CNNM1: variants seen among roughly 807,000 people sequenced by gnomAD.
CNNM1 encodes metal transporter CNNM1.
A neutral mutation model predicts 78.8 loss-of-function variants in CNNM1; 44 were observed. That is an observed-to-expected ratio of 0.56 (90% confidence interval 0.44 to 0.72). The LOEUF (loss-of-function observed/expected upper bound fraction) is 0.72. CNNM1 is among the 30% of genes least tolerant of loss of function. CNNM1 has a pLI of 0.00. For missense variants in CNNM1, 1,101 were observed against 1,292.2 expected, an observed-to-expected ratio of 0.85 and a Z score of 2.27; for synonymous variants, 584 against 581.5, an observed-to-expected ratio of 1.00 and a Z score of -0.06.
chr10:99,329,531 G>C lies in CNNM1; in HGVS notation c.144G>C (p.Glu48Asp). The C allele has an allele frequency of 6.6e-7, 1 of 1,514,342 alleles. No individual in the cohort carries two copies. The highest frequency in any genetic ancestry group is 8.8e-7 in the Non-Finnish European group (1 of 1,139,792). 93.8% of individuals were successfully genotyped at this position (1,514,342 alleles called of 1,614,324 possible). A position where few individuals can be genotyped will look rare whatever the true frequency, so the allele number is the denominator to read the frequency against. The change falls in exon 1 of 11, where the codon GAG becomes GAC. Residue 48 changes from glutamate (E) to aspartate (D), a missense_variant. By Grantham distance (45) the Glu-to-Asp change is conservative (BLOSUM62 2). Transcript: ENST00000356713. The part of the protein sequence containing the change: ...AAAWLLGLRP[E>D]DTAGGRVSLE... ...CCTGGCTGCTGGGCCTGCGGCCCGA[G>C]GACACTGCTGGAGGCCGCGTGTCCC...
At chr10:99,383,025 G>C (rs1056974019) in intron 7 of CNNM1, among the ~76,000 whole-genome samples, 1 of 152,180 alleles carries the variant, frequency 6.6e-6, no homozygotes, top group Non-Finnish European at 1.5e-5. Flanking sequence ...CATGGAGTCT[G>C]TTGAAAAGTG....
At chr10:99,368,083 T>G (rs2031683329) in intron 6 of CNNM1, among the ~76,000 whole-genome samples, 2 of 152,380 alleles carry the variant, frequency 1.3e-5, no homozygotes, top group African/African-American at 4.8e-5. Flanking sequence ...CCTCTAGCAA[T>G]GCACAGTTCT....
chr10:99,365,082 C>G, intron 6 of CNNM1, 80 bp downstream of exon 6: 2 of 1,453,228 alleles, frequency 1.4e-6, no homozygotes, highest in Non-Finnish European at 1.9e-6. Context: ...GGACCGAGCA[C>G]TTTGAGCCTG....
intron 1 of CNNM1, among the ~76,000 whole-genome samples, chr10:99,343,965 A>C (rs537392297): frequency 4.0e-5 from 6 of 150,294 alleles, no homozygotes; most frequent in African/African-American, 1.5e-4. Flanking sequence ...TCAGGTGATC[A>C]GCCCGCCTTG....
chr10:99,363,795 A>G (rs1352348854), intron 4 of CNNM1, among the ~76,000 whole-genome samples: 9 of 128,660 alleles, frequency 7.0e-5, no homozygotes, highest in Admixed American at 1.9e-4. Flanking sequence ...CCCAGGCTGG[A>G]GTGCAGTGGC....
chr10:99,389,716 A>G (rs1363919125), intron 9 of CNNM1, among the ~76,000 whole-genome samples: 1 of 152,178 alleles, frequency 6.6e-6, no homozygotes, highest in Non-Finnish European at 1.5e-5. Context: ...CAAGTCCAAA[A>G]ACTGCATCAG....
intron 7 of CNNM1, among the ~76,000 whole-genome samples, chr10:99,380,221 C>G (rs2032098914): frequency 6.6e-6 from 1 of 152,054 alleles, no homozygotes; most frequent in South Asian, 2.1e-4. Flanking sequence ...GTTAATACCA[C>G]TACATTGGGG....
At chr10:99,379,212 G>A (rs1438653156) in intron 7 of CNNM1, among the ~76,000 whole-genome samples, 1 of 152,244 alleles carries the variant, frequency 6.6e-6, no homozygotes, top group Non-Finnish European at 1.5e-5. Context: ...CTCTGTTCTT[G>A]GCACTGTTGA....
At chr10:99,360,614 T>G (rs2031395616) in intron 2 of CNNM1, among the ~76,000 whole-genome samples, 1 of 152,142 alleles carries the variant, frequency 6.6e-6, no homozygotes, top group African/African-American at 2.4e-5. Flanking sequence ...GCTTTCCCCT[T>G]TTTCTACTAT....
At position 99,364,539 on chromosome 10, in the gene CNNM1, A is replaced by G. The variant is rs745751534; in HGVS notation, c.2128+23A>G. ...CAGGTATTCTAGTTTCCATTTGTTTATTGGGAAAGTAATGGGATATGGTAG... is the reference window on the plus strand; with the variant it reads ...CAGGTATTCTAGTTTCCATTTGTTTGTTGGGAAAGTAATGGGATATGGTAG... On this transcript the variant is annotated intron_variant, in intron 5 of 10. Transcript: ENST00000356713. 4 of 1,574,342 alleles carry G rather than the reference A, an allele frequency of 2.5e-6. No homozygotes were observed. In the South Asian group the frequency reaches 3.4e-5, roughly 14 times the overall value.
intron 6 of CNNM1, among the ~76,000 whole-genome samples, chr10:99,374,889 T>C (rs1469666199): frequency 1.3e-5 from 2 of 152,190 alleles, no homozygotes; most frequent in Non-Finnish European, 1.5e-5. Flanking sequence ...TAATATGTAA[T>C]TAATACTTGT....
intron 9 of CNNM1, 35 bp from the exon 10 acceptor site, chr10:99,390,271 T>A: frequency 6.8e-7 from 1 of 1,471,798 alleles, no homozygotes; most frequent in Non-Finnish European, 9.4e-7. Flanking sequence ...GTGTGTAGGT[T>A]GAGACAACTT....
chr10:99,364,858 T>A, intron 5 of CNNM1, 97 bp from the exon 6 acceptor site: 1 of 1,166,042 alleles, frequency 8.6e-7, no homozygotes, highest in South Asian at 1.5e-5. Flanking sequence ...TTTTACAGGG[T>A]TAATTGGTGC....
chr10:99,375,024 A>C (rs1021376675), intron 6 of CNNM1, among the ~76,000 whole-genome samples: 4 of 152,174 alleles, frequency 2.6e-5, no homozygotes, highest in Non-Finnish European at 4.4e-5. Flanking sequence ...ACTGAGGAGC[A>C]GACAGCCATT....
chr10:99,380,668 G>C (rs2032115214), intron 7 of CNNM1, among the ~76,000 whole-genome samples: 1 of 152,028 alleles, frequency 6.6e-6, no homozygotes, highest in Non-Finnish European at 1.5e-5. Context: ...GCAGGCATCT[G>C]TAATCCCAGC....
chr10:99,391,396 T>C (rs914026580), intron 10 of CNNM1, 41 bp from the exon 11 acceptor site: 3 of 1,462,286 alleles, frequency 2.1e-6, no homozygotes, highest in South Asian at 2.3e-5. Flanking sequence ...TGAATGTTCC[T>C]CCAGTGTTAC....
chr10:99,387,012 C>T (rs1193210087), intron 7 of CNNM1, among the ~76,000 whole-genome samples: 1 of 152,204 alleles, frequency 6.6e-6, no homozygotes, highest in African/African-American at 2.4e-5. Context: ...TTTCACATTC[C>T]TGTACTGGGT....
intron 7 of CNNM1, 120 bp from the exon 8 acceptor site, chr10:99,387,700 G>A (rs1163513592): frequency 3.1e-6 from 3 of 980,558 alleles, no homozygotes; most frequent in African/African-American, 3.3e-5. Context: ...GTGGATCTCA[G>A]GCCTCAGAGG....
At chr10:99,363,194 C>G (rs57044583) in intron 4 of CNNM1, among the ~76,000 whole-genome samples, 1 of 152,204 alleles carries the variant, frequency 6.6e-6, no homozygotes, top group African/African-American at 2.4e-5. Flanking sequence ...CTCACATGAA[C>G]TTAGAAATGG....
Sources: gnomAD v4.1 joint callset for allele counts (sites outside exome capture counted in the v4.1 genomes callset) on GRCh38, gnomAD v4.1.1 for gene constraint, MANE v1.5 for transcripts, NCBI Gene and HGNC (gene_info 2026-07-23, HGNC 2026-07-21) for gene names.